The following IPO11 variants were observed in gnomAD, a reference collection of about 807,000 sequenced individuals.
IPO11 encodes importin 11, also known as importin-11.
IPO11 carries 66 observed loss-of-function variants against 143.2 expected under a neutral mutation model. The observed-to-expected ratio is 0.46, with a 90% CI of 0.38 to 0.57. The LOEUF is 0.57. Ranked by LOEUF, IPO11 falls within the 20% of genes least tolerant of loss-of-function variation. The pLI, the probability that IPO11 is intolerant of heterozygous loss-of-function variation, is 0.00. For synonymous variants in IPO11, 385 were observed against 377.8 expected (o/e 1.02, Z -0.22); for missense variants, 1,026 against 1,141.0 (o/e 0.90, Z 1.45).
chr5:62,464,307 A>C (rs899865885), intron 5 of IPO11, among the ~76,000 whole-genome samples: 1 of 150,062 alleles, frequency 6.7e-6, no homozygotes, highest in Non-Finnish European at 1.5e-5. Flanking sequence ...TGCCCAACTA[A>C]TTTTTGTGTT....
At position 62,490,215 on chromosome 5, in the gene IPO11, C is replaced by G. The variant is rs115700040; in HGVS notation, c.1458C>G (p.His486Gln). ...NQLLPELQVI[H>Q]NRYKPLRRRV... ...TTCTTCCAGAATTACAAGTCATTCA[C>G]AATAGGCAAGTATAAAATTTTATAT... The change falls in exon 15 of 30, where the codon CAC becomes CAG. Residue 486 changes from histidine to glutamine, a missense_variant. His to Gln is a conservative substitution (Grantham distance 24). Coordinates refer to ENST00000325324, the MANE Select transcript of IPO11 (RefSeq NM_016338.5). 6.3e-7 allele frequency: 1 copy of G among 1,575,216 alleles called. No individual in the cohort carries two copies. Among genetic ancestry groups the G allele is most frequent in the Non-Finnish European group, 8.6e-7 (1 of 1,159,588 alleles).
intron 3 of IPO11, among the ~76,000 whole-genome samples, chr5:62,444,603 C>T (rs372741711): frequency 5.9e-5 from 9 of 151,768 alleles, no homozygotes; most frequent in African/African-American, 9.7e-5. Context: ...TGGCTGGGCA[C>T]GGTGGCTCAC....
chr5:62,485,604 C>A, intron 12 of IPO11, 142 bp downstream of exon 12: 1 of 660,796 alleles, frequency 1.5e-6, no homozygotes, highest in South Asian at 2.1e-5. Flanking sequence ...TTTGGGAAGC[C>A]AAGGTGGGAG....
intron 26 of IPO11, among the ~76,000 whole-genome samples, chr5:62,555,666 G>C (rs1310281707): frequency 7.0e-6 from 1 of 143,166 alleles, no homozygotes; most frequent in Admixed American, 6.7e-5. Context: ...ACCACGCTCT[G>C]CTAATTTGTT....
chr5:62,595,019 G>C (rs929541808), intron 28 of IPO11, among the ~76,000 whole-genome samples: 1 of 152,214 alleles, frequency 6.6e-6, no homozygotes, highest in Non-Finnish European at 1.5e-5. Flanking sequence ...TCACTTTGAT[G>C]CATTGTGGAG....
chr5:62,492,781 G>T (rs1353085813), intron 15 of IPO11, among the ~76,000 whole-genome samples: 1 of 152,014 alleles, frequency 6.6e-6, no homozygotes, highest in East Asian at 1.9e-4. Context: ...CAAGCCATCT[G>T]CCCACCTCAG....
chr5:62,416,803 C>T (rs1193801680), intron 1 of IPO11, among the ~76,000 whole-genome samples: 1 of 151,188 alleles, frequency 6.6e-6, no homozygotes, highest in East Asian at 2.0e-4. Flanking sequence ...TGGCTCACTG[C>T]AACTTCTGCC....
At chr5:62,539,259 C>G (rs1412724125) in intron 24 of IPO11, among the ~76,000 whole-genome samples, 2 of 152,168 alleles carry the variant, frequency 1.3e-5, no homozygotes, top group Admixed American at 6.6e-5. Context: ...AAGCCTTTCT[C>G]TTACCTTCTG....
chr5:62,561,969 GAT>G (rs1419073609), intron 27 of IPO11: 1 of 152,204 alleles, frequency 6.6e-6, no homozygotes, highest in African/African-American at 2.4e-5. Flanking sequence ...ACTGCACATG[GAT>G]GTGGTATGGG....
In IPO11 at chr5:62,500,871, G is replaced by A. The variant is rs1030002150; in HGVS notation, c.1591-3796G>A. Among the ~76,000 whole-genome samples the A allele has an allele frequency of 3.7e-4, 56 of 152,180 alleles. 1 individual carries two copies. The highest frequency in any genetic ancestry group is 7.3e-5 in the Non-Finnish European group (5 of 68,036). ...ACACCAGCATCACCGCAAATGCATAGGTAATGTGATGTGTTTTGACAGCCA... is the reference window on the plus strand; with the variant it reads ...ACACCAGCATCACCGCAAATGCATAAGTAATGTGATGTGTTTTGACAGCCA... On this transcript the variant is annotated intron_variant, in intron 16 of 29. Transcript: ENST00000325324.
rs1164997461 is a variant in IPO11, at chr5:62,625,077, C to T, written c.2764-2077C>T. ...TAGTTTCTGAAAAATTATAATTGGG[C>T]ATATAGGCTTAAAAAGTGAATAATG... On this transcript the variant is annotated intron_variant, in intron 29 of 29. Coordinates refer to ENST00000325324, the MANE Select transcript of IPO11 (RefSeq NM_016338.5). 2.7e-5 allele frequency among the ~76,000 whole-genome samples: 4 copies of T among 150,894 alleles called. 1 individual carries two copies. Among genetic ancestry groups the T allele is most frequent in the African/African-American group, 9.7e-5 (4 of 41,088 alleles).
intron 20 of IPO11, among the ~76,000 whole-genome samples, chr5:62,517,495 C>T (rs769571053): frequency 8.5e-5 from 13 of 152,146 alleles, no homozygotes; most frequent in Non-Finnish European, 1.3e-4. Flanking sequence ...CTCCACCTCC[C>T]AGGTTCAAGC....
intron 29 of IPO11, among the ~76,000 whole-genome samples, chr5:62,606,549 G>T: frequency 7.2e-6 from 1 of 139,736 alleles, no homozygotes; most frequent in Admixed American, 7.2e-5. Flanking sequence ...AAGTTAAAAT[G>T]TGTGCGGCCG....
intron 25 of IPO11, among the ~76,000 whole-genome samples, chr5:62,551,019 G>GTATATATATATATA (rs373267363): frequency 2.8e-5 from 4 of 144,334 alleles, no homozygotes; most frequent in African/African-American, 1.0e-4. Context: ...TCTCTTTATT[G>GTATATATATATATA]TATATATATA....
intron 27 of IPO11, among the ~76,000 whole-genome samples, chr5:62,588,766 A>G (rs1289971652): frequency 6.6e-6 from 1 of 152,226 alleles, no homozygotes; most frequent in Non-Finnish European, 1.5e-5. Context: ...GGTGTAAAAT[A>G]TAGCAACTAA....
chr5:62,580,411 G>A (rs993872768), intron 27 of IPO11: 17 of 1,551,140 alleles, frequency 1.1e-5, no homozygotes, highest in Non-Finnish European at 1.3e-5. Flanking sequence ...AAATATGGGA[G>A]CATCTTTGAA....
Position 62,506,282 on chromosome 5 carries a change from G to C in IPO11, c.1707G>C (p.Gln569His). 1 of 1,610,686 alleles carries C rather than the reference G, an allele frequency of 6.2e-7. No homozygotes were observed. Among genetic ancestry groups the C allele is most frequent in the Non-Finnish European group, 8.5e-7 (1 of 1,178,118 alleles). ...TCACACTACTTTTTCAGTTACTGCAGCAAGTTACAGAATGTGACACAAAGA... is the reference window on the plus strand; with the variant it reads ...TCACACTACTTTTTCAGTTACTGCACCAAGTTACAGAATGTGACACAAAGA... ...TMFTLLFQLL[Q>H]QVTECDTKMH... Residue 569 changes from glutamine (Q) to histidine (H), a missense_variant, in exon 19 of 30, where the codon CAG becomes CAC. By Grantham distance (24) the Gln-to-His change is conservative. Around this residue, in one of 5 missense-constraint regions of IPO11, gnomAD observed 237 missense variants for 288.0 expected, o/e 0.82. Transcript: ENST00000325324.
chr5:62,586,762 AAAAAAAATAT>A (rs1407534247), intron 27 of IPO11, among the ~76,000 whole-genome samples: 1 of 86,496 alleles, frequency 1.2e-5, no homozygotes, highest in African/African-American at 4.6e-5. Flanking sequence ...CAAAAAAAAA[AAAAAAAATAT>A]ATATATATAT....
At chr5:62,522,508 C>T (rs1008825998) in intron 20 of IPO11, among the ~76,000 whole-genome samples, 4 of 152,176 alleles carry the variant, frequency 2.6e-5, no homozygotes, top group East Asian at 1.9e-4. Context: ...TAGTCTCAAA[C>T]TCCTGACCTC....
Sources: gnomAD v4.1 joint callset for allele counts (sites outside exome capture counted in the v4.1 genomes callset) on GRCh38, gnomAD v4.1.1 for gene constraint, gnomAD v4.1.1 regional missense constraint, MANE v1.5 for transcripts, NCBI Gene and HGNC (gene_info 2026-07-23, HGNC 2026-07-21) for gene names.